AGL: variants seen among roughly 807,000 people sequenced by gnomAD.
The protein encoded by AGL is amylo-alpha-1,6-glucosidase and 4-alpha-glucanotransferase.
Under a neutral mutation model 199.3 loss-of-function variants are expected in AGL, and 128 were observed. That is an observed-to-expected ratio of 0.64 (90% CI 0.56 to 0.74). AGL has a LOEUF of 0.74. Ranked by LOEUF, AGL falls within the 30% of genes least tolerant of loss-of-function variation. AGL has a pLI of 0.00. For missense variants in AGL, 1,809 were observed against 1,820.8 expected, an observed-to-expected ratio of 0.99 and a Z score of 0.12; for synonymous variants, 584 against 594.7, an observed-to-expected ratio of 0.98 and a Z score of 0.26.
chr1:99,857,041 C>CGGATGGGGCGGCTGGCG (rs1553182353), intron 2 of AGL, among the ~76,000 whole-genome samples: 1 of 151,774 alleles, frequency 6.6e-6, no homozygotes, highest in Non-Finnish European at 1.5e-5. Flanking sequence ...CCTCACCTCC[C>CGGATGGGGCGGCTGGCG]GGATGGGGCG....
intron 5 of AGL, among the ~76,000 whole-genome samples, chr1:99,866,294 A>G (rs1042323147): frequency 1.2e-4 from 18 of 152,192 alleles, no homozygotes; most frequent in Non-Finnish European, 4.4e-5. Context: ...CTAAAATTGT[A>G]TTTATTTCTT....
In AGL at chr1:99,870,732, A is replaced by G. The variant is rs778899027; in HGVS notation, c.847-26A>G. 2.4e-5 allele frequency: 36 copies of G among 1,485,774 alleles called. 1 individual carries two copies. Among genetic ancestry groups the G allele is most frequent in the Non-Finnish European group, 2.8e-5 (30 of 1,066,542 alleles). The allele number at this position is 1,485,774 out of a possible 1,614,324, so 92.0% of individuals were successfully genotyped here. On this transcript the variant is annotated intron_variant, in intron 6 of 33. Coordinates refer to ENST00000361915, the MANE Select transcript of AGL (RefSeq NM_000642.3). ...TTTAAATAAGTATATGTATATATGT[A>G]TTTTTTAACTATTGACATTTTTCAG...
intron 29 of AGL, 67 bp downstream of exon 29, chr1:99,912,584 C>A: frequency 1.7e-6 from 2 of 1,152,506 alleles, no homozygotes; most frequent in Non-Finnish European, 2.6e-6. Context: ...CCTATGTAAT[C>A]ATCATTTGAT....
rs752260241 is a variant in AGL, at chr1:99,913,584, A to G, written c.4007A>G (p.Glu1336Gly). ...AACAGAAAAATACAAGACAACTTTG[A>G]AAAGCTATTTCATGTTTCCGAAGAC... ...EWNRKIQDNF[E>G]KLFHVSEDPS... Residue 1336 changes from glutamate to glycine, a missense_variant, in exon 30 of 34, where the codon GAA becomes GGA. Coordinates refer to ENST00000361915, the MANE Select transcript of AGL (RefSeq NM_000642.3). 1.9e-6 allele frequency: 3 copies of G among 1,613,970 alleles called. No individual in the cohort carries two copies.
intron 20 of AGL, among the ~76,000 whole-genome samples, chr1:99,887,208 T>G (rs1431570721): frequency 6.6e-6 from 1 of 152,224 alleles, no homozygotes; most frequent in Non-Finnish European, 1.5e-5. Flanking sequence ...ATAGCAGTCA[T>G]GTAAAATGAA....
intron 12 of AGL, among the ~76,000 whole-genome samples, chr1:99,879,323 A>T (rs1279416825): frequency 6.6e-6 from 1 of 152,084 alleles, no homozygotes; most frequent in Non-Finnish European, 1.5e-5. Context: ...ACGGTGGCTC[A>T]CGCCTGTAAT....
chr1:99,860,969 C>A (rs899495621), intron 2 of AGL, among the ~76,000 whole-genome samples: 1 of 152,196 alleles, frequency 6.6e-6, no homozygotes, highest in African/African-American at 2.4e-5. Context: ...CTGTTAGAAT[C>A]CTGAATTCTG....
At chr1:99,861,380 G>A (rs752548399) in intron 2 of AGL, 123 bp from the exon 3 acceptor site, 5 of 1,543,038 alleles carry the variant, frequency 3.2e-6, no homozygotes, top group Non-Finnish European at 4.4e-6. Flanking sequence ...CATTAGGTTT[G>A]CGGAGTTATT....
chr1:99,866,789 A>G (rs925250735), intron 5 of AGL, among the ~76,000 whole-genome samples: 6 of 86,952 alleles, frequency 6.9e-5, no homozygotes, highest in Admixed American at 2.2e-4. Flanking sequence ...CTTTCTGTGA[A>G]ACAAGTTTTC....
intron 20 of AGL, among the ~76,000 whole-genome samples, chr1:99,887,531 A>C (rs1487416981): frequency 6.6e-6 from 1 of 152,188 alleles, no homozygotes; most frequent in African/African-American, 2.4e-5. Flanking sequence ...TCTGATAAGT[A>C]TTTTTAGTAT....
intron 2 of AGL, 199 bp from the exon 3 acceptor site, chr1:99,861,304 A>G: frequency 1.4e-6 from 2 of 1,440,982 alleles, no homozygotes; most frequent in Non-Finnish European, 1.8e-6. Context: ...CAGCTCTATG[A>G]TGTTTACTAT....
chr1:99,881,748 A>G (rs1426988170), intron 17 of AGL, 57 bp downstream of exon 17: 25 of 1,391,752 alleles, frequency 1.8e-5, no homozygotes, highest in Non-Finnish European at 2.5e-5. Flanking sequence ...ATTAAATTAT[A>G]CTGTAATGTT....
chr1:99,880,598 GA>G, intron 13 of AGL, 33 bp from the exon 14 acceptor site: 1 of 1,607,248 alleles, frequency 6.2e-7, no homozygotes, highest in Non-Finnish European at 8.5e-7. Flanking sequence ...CATAAATAAT[GA>G]AGATTGTTAA....
chr1:99,859,636 C>G (rs751860357), intron 2 of AGL, among the ~76,000 whole-genome samples: 1 of 152,116 alleles, frequency 6.6e-6, no homozygotes, highest in African/African-American at 2.4e-5. Context: ...CAACCTCTGC[C>G]TCCTGGGTTG....
At chr1:99,888,157 A>G (rs528746941) in intron 21 of AGL, 49 bp downstream of exon 21, 3 of 1,605,498 alleles carry the variant, frequency 1.9e-6, no homozygotes, top group Non-Finnish European at 1.7e-6. Flanking sequence ...TTTTAGGGTC[A>G]TCTGGTGTCT....
At chr1:99,913,279 C>T (rs992189199) in intron 29 of AGL, among the ~76,000 whole-genome samples, 1 of 151,794 alleles carries the variant, frequency 6.6e-6, no homozygotes, top group African/African-American at 2.4e-5. Flanking sequence ...ATTGTTTCAA[C>T]ATGTAATCAA....
intron 25 of AGL, among the ~76,000 whole-genome samples, chr1:99,896,810 T>G (rs1653360783): frequency 6.6e-6 from 1 of 151,908 alleles, no homozygotes; most frequent in Admixed American, 6.6e-5. Flanking sequence ...TTTGTTTTTG[T>G]TTTTTGTTTT....
In AGL at chr1:99,896,272, G is replaced by A. The variant is rs777365145; in HGVS notation, c.3260-14G>A. 2 of 1,585,118 alleles carry A rather than the reference G, an allele frequency of 1.3e-6. No homozygotes were observed. Among genetic ancestry groups the A allele is most frequent in the East Asian group, 4.5e-5 (2 of 44,700 alleles). On this transcript the variant is annotated splice_polypyrimidine_tract_variant and intron_variant, in intron 24 of 33. Coordinates refer to ENST00000361915, the MANE Select transcript of AGL (RefSeq NM_000642.3). ...TATGATTAACATATTACTTTGTTGT[G>A]TTTTTTTTGTTAGGCTTACCTCATT...
rs786204678 is a variant in AGL at position 99,876,555 on chromosome 1, TG to T, written c.1384del (p.Val462Ter). 6.2e-7 allele frequency: 1 copy of T among 1,614,006 alleles called. No homozygotes were observed. The highest frequency in any genetic ancestry group is 1.7e-5 in the Admixed American group (1 of 60,016). ...TTGTTTTCTGATGGCACACAATGGA[TG>T]GGTAATGGGAGATGATCCTCTTCGA... is the stretch of plus-strand genomic sequence containing the variant. ...KACFLMAHNG[W>X]VMGDDPLRNF... On this transcript the variant is annotated frameshift_variant, in exon 11 of 34. Coordinates refer to ENST00000361915, the MANE Select transcript of AGL (RefSeq NM_000642.3). LOFTEE classifies it high-confidence loss of function.
Sources: gnomAD v4.1 joint callset for allele counts (sites outside exome capture counted in the v4.1 genomes callset) on GRCh38, gnomAD v4.1.1 for gene constraint, MANE v1.5 for transcripts, NCBI Gene and HGNC (gene_info 2026-07-23, HGNC 2026-07-21) for gene names.